The following PPP2R3A variants were observed in gnomAD, a reference collection of about 807,000 sequenced individuals.
The protein encoded by PPP2R3A is serine/threonine-protein phosphatase 2A regulatory subunit B'' subunit alpha.
PPP2R3A carries 80 observed loss-of-function variants against 106.9 expected under a neutral mutation model. The ratio of observed to expected loss-of-function variants is 0.75; its 90% confidence interval spans 0.62 to 0.90. The LOEUF (loss-of-function observed/expected upper bound fraction) is 0.90. Among genes scored for constraint, PPP2R3A ranks in the 40% least tolerant of loss-of-function variants. PPP2R3A has a pLI of 0.00. For missense variants in PPP2R3A, 1,386 were observed against 1,350.4 expected, an observed-to-expected ratio of 1.03 and a Z score of -0.41; for synonymous variants, 483 against 468.3, an observed-to-expected ratio of 1.03 and a Z score of -0.41.
intron 13 of PPP2R3A, among the ~76,000 whole-genome samples, chr3:136,138,097 A>C (rs1036470061): frequency 2.0e-5 from 3 of 152,236 alleles, no homozygotes; most frequent in African/African-American, 7.2e-5. Context: ...CTAAAACATG[A>C]GTTATAATAT....
At chr3:136,038,139 T>C (rs1271267552) in intron 3 of PPP2R3A, among the ~76,000 whole-genome samples, 4 of 152,180 alleles carry the variant, frequency 2.6e-5, no homozygotes, top group African/African-American at 9.7e-5. Context: ...CTAGCATACT[T>C]TTTTTAATAG....
At chr3:136,047,415 G>A (rs969624009) in intron 4 of PPP2R3A, among the ~76,000 whole-genome samples, 1 of 152,194 alleles carries the variant, frequency 6.6e-6, no homozygotes, top group Non-Finnish European at 1.5e-5. Context: ...ATGGTGGACT[G>A]GATAAAGAAA....
At chr3:135,994,264 C>G (rs1933297066) in intron 1 of PPP2R3A, among the ~76,000 whole-genome samples, 1 of 152,118 alleles carries the variant, frequency 6.6e-6, no homozygotes, top group Admixed American at 6.6e-5. Context: ...GTTAGTAAGC[C>G]TGGTTTTTGG....
intron 8 of PPP2R3A, 148 bp from the exon 9 acceptor site, chr3:136,087,735 T>G (rs1046884459): frequency 1.9e-6 from 1 of 526,506 alleles, no homozygotes; most frequent in African/African-American, 1.9e-5. Context: ...ATTAAAATTA[T>G]GCGTAAATAA....
At chr3:136,036,254 T>A (rs531486491) in intron 3 of PPP2R3A, among the ~76,000 whole-genome samples, 1 of 152,312 alleles carries the variant, frequency 6.6e-6, no homozygotes, top group East Asian at 1.9e-4. Context: ...GGTCCATTGC[T>A]GATAAGCTAG....
chr3:135,967,799 A>G (rs1449224719), intron 1 of PPP2R3A, among the ~76,000 whole-genome samples: 2 of 152,320 alleles, frequency 1.3e-5, no homozygotes, highest in South Asian at 2.1e-4. Context: ...TTTGAGTGTT[A>G]TCGTCCTCTG....
chr3:136,138,332 A>G (rs1202832568), intron 13 of PPP2R3A, among the ~76,000 whole-genome samples: 1 of 152,214 alleles, frequency 6.6e-6, no homozygotes, highest in African/African-American at 2.4e-5. Flanking sequence ...ATTAGAATAT[A>G]TTTAGCCCAC....
chr3:136,069,390 A>G (rs991356597), intron 5 of PPP2R3A, among the ~76,000 whole-genome samples: 5 of 152,176 alleles, frequency 3.3e-5, no homozygotes, highest in African/African-American at 1.2e-4. Flanking sequence ...CAGCCTGGCC[A>G]GCATGGTGAA....
Position 136,026,909 on chromosome 3 carries a change from C to T in PPP2R3A, c.2073C>T (p.Leu691=). Residue 691 remains leucine (L), a synonymous_variant, in exon 3 of 14, where the codon CTC becomes CTT. Transcript: ENST00000264977. The part of the protein sequence containing the change: ...PATSPSSPRP[L]SPVPHVNNVV... ...CCTCTCCAAGTAGTCCCCGACCTCT[C>T]TCCCCGGTTCCCCATGTGAATAATG... The T allele has an allele frequency of 1.2e-6, 2 of 1,613,170 alleles. No individual in the cohort carries two copies. Among genetic ancestry groups the T allele is most frequent in the East Asian group, 2.2e-5 (1 of 44,866 alleles).
At chr3:135,972,086 A>C (rs1312693044) in intron 1 of PPP2R3A, among the ~76,000 whole-genome samples, 2 of 152,054 alleles carry the variant, frequency 1.3e-5, no homozygotes, top group African/African-American at 2.4e-5. Flanking sequence ...CATTTTCATC[A>C]CCCCAAAAGG....
chr3:136,067,078 G>A (rs1451369251), intron 5 of PPP2R3A, among the ~76,000 whole-genome samples: 4 of 152,224 alleles, frequency 2.6e-5, no homozygotes, highest in Non-Finnish European at 5.9e-5. Flanking sequence ...GCATTTTACT[G>A]TAGTAATTGT....
chr3:136,140,082 G>T (rs116415933), intron 13 of PPP2R3A, among the ~76,000 whole-genome samples: 12,346 of 151,640 alleles, frequency 0.081, 631 homozygotes, highest in African/African-American at 0.15. Flanking sequence ...AACCCTGTGA[G>T]TTCTGCTTTA....
At chr3:135,997,409 CT>C (rs1353938881) in intron 1 of PPP2R3A, among the ~76,000 whole-genome samples, 8 of 152,130 alleles carry the variant, frequency 5.3e-5, no homozygotes, top group African/African-American at 1.7e-4. Flanking sequence ...CTTAGACTCC[CT>C]CTAAGAATTC....
chr3:136,026,772 T>G, intron 2 of PPP2R3A, 60 bp from the exon 3 acceptor site: 1 of 1,465,120 alleles, frequency 6.8e-7, no homozygotes. Flanking sequence ...CTGGTGAGAA[T>G]TTTCAGTAAA....
chr3:136,026,964 C>G lies in PPP2R3A; in HGVS notation c.2128C>G (p.Pro710Ala). The change falls in exon 3 of 14, where the codon CCA becomes GCA. Residue 710 changes from proline (P) to alanine (A), a missense_variant. Physicochemically the swap from Pro to Ala is conservative, Grantham distance 27. Coordinates refer to ENST00000264977, the MANE Select transcript of PPP2R3A (RefSeq NM_002718.5). ...VVNAPLSINI[P>A]RFYFPEGLPD... ...GAATGCGCCATTGTCCATAAACATTCCACGGTTCTACTTTCCTGAAGGACT... is the reference window on the plus strand; with the variant it reads ...GAATGCGCCATTGTCCATAAACATTGCACGGTTCTACTTTCCTGAAGGACT... 1.2e-6 allele frequency: 2 copies of G among 1,613,728 alleles called. No homozygotes were observed. The highest frequency in any genetic ancestry group is 1.7e-6 in the Non-Finnish European group (2 of 1,179,682).
intron 3 of PPP2R3A, among the ~76,000 whole-genome samples, chr3:136,027,716 A>C (rs1408102358): frequency 1.3e-5 from 2 of 152,198 alleles, no homozygotes; most frequent in Non-Finnish European, 2.9e-5. Context: ...AGCAATATTC[A>C]AGAATTCCCA....
At chr3:136,043,402 T>C (rs1458372313) in intron 4 of PPP2R3A, among the ~76,000 whole-genome samples, 3 of 152,030 alleles carry the variant, frequency 2.0e-5, no homozygotes, top group African/African-American at 7.2e-5. Flanking sequence ...GAGCTTGCAG[T>C]GAGCCGAGAT....
At chr3:136,142,584 A>C (rs576659772) in intron 13 of PPP2R3A, among the ~76,000 whole-genome samples, 22 of 152,192 alleles carry the variant, frequency 1.4e-4, no homozygotes, top group Non-Finnish European at 2.5e-4. Flanking sequence ...CCAGATTGGA[A>C]CCTGACTTTT....
intron 13 of PPP2R3A, among the ~76,000 whole-genome samples, chr3:136,114,226 C>A (rs954499378): frequency 6.6e-6 from 1 of 152,184 alleles, no homozygotes; most frequent in Non-Finnish European, 1.5e-5. Flanking sequence ...GAATGGTACA[C>A]TCCGGCCAGA....
Sources: gnomAD v4.1 joint callset for allele counts (sites outside exome capture counted in the v4.1 genomes callset) on GRCh38, gnomAD v4.1.1 for gene constraint, MANE v1.5 for transcripts, NCBI Gene and HGNC (gene_info 2026-07-23, HGNC 2026-07-21) for gene names.